ABTB3: variants seen among roughly 807,000 people sequenced by gnomAD.
ABTB3 encodes the protein ankyrin repeat- and BTB/POZ domain-containing protein 3.
At chr12:107,651,766 G>A in the ABTB3 span, 2 of 1,613,802 alleles carry the variant, frequency 1.2e-6, no homozygotes, top group Non-Finnish European at 1.7e-6. Flanking sequence ...ACAACTGTGT[G>A]GATATTTACA....
chr12:107,413,292 C>T, the ABTB3 span, among the ~76,000 whole-genome samples: 1,820 of 152,010 alleles, frequency 0.012, 38 homozygotes, highest in African/African-American at 0.041. Flanking sequence ...AAAAAAAAAG[C>T]GCATTGAAAT....
chr12:107,491,308 G>C, the ABTB3 span, among the ~76,000 whole-genome samples: 850 of 152,312 alleles, frequency 5.6e-3, 13 homozygotes, highest in African/African-American at 0.019. Flanking sequence ...CACACCATCA[G>C]TAGATAAGAG....
chr12:107,491,921 G>A, the ABTB3 span, among the ~76,000 whole-genome samples: 1 of 152,124 alleles, frequency 6.6e-6, no homozygotes, highest in Admixed American at 6.5e-5. Context: ...GATTGTCTGG[G>A]ACTTTTTTTC....
At chr12:107,520,449 T>C in the ABTB3 span, 1 of 1,600,002 alleles carries the variant, frequency 6.2e-7, no homozygotes, top group Non-Finnish European at 8.5e-7. Context: ...AATAACAATC[T>C]GTTTTCCTTT....
At chr12:107,647,535 A>G in the ABTB3 span, among the ~76,000 whole-genome samples, 2 of 152,354 alleles carry the variant, frequency 1.3e-5, no homozygotes, top group South Asian at 2.1e-4. Flanking sequence ...AATTTCAATA[A>G]AGCTATAAAC....
the ABTB3 span, among the ~76,000 whole-genome samples, chr12:107,542,727 C>T: frequency 2.0e-5 from 3 of 152,018 alleles, no homozygotes; most frequent in East Asian, 1.9e-4. Context: ...AGTCCATTAA[C>T]GTGTATTTTA....
At chr12:107,471,755 A>T in the ABTB3 span, among the ~76,000 whole-genome samples, 10 of 152,144 alleles carry the variant, frequency 6.6e-5, no homozygotes, top group Non-Finnish European at 2.9e-5. Flanking sequence ...CACCCCTCAC[A>T]GAGCCGTGGT....
the ABTB3 span, among the ~76,000 whole-genome samples, chr12:107,408,240 T>G: frequency 6.6e-6 from 1 of 152,208 alleles, no homozygotes; most frequent in Admixed American, 6.5e-5. Flanking sequence ...AGAAGTAATT[T>G]GGAAAGTGTA....
chr12:107,431,644 T>G, the ABTB3 span, among the ~76,000 whole-genome samples: 1 of 152,190 alleles, frequency 6.6e-6, no homozygotes, highest in East Asian at 1.9e-4. Flanking sequence ...CCAAAAAAAG[T>G]TAATCCAAAG....
the ABTB3 span, among the ~76,000 whole-genome samples, chr12:107,331,892 C>T: frequency 6.6e-6 from 1 of 152,208 alleles, no homozygotes; most frequent in Non-Finnish European, 1.5e-5. Flanking sequence ...GCCTCCCCCC[C>T]GCCCCACCTC....
chr12:107,469,122 G>C, the ABTB3 span, among the ~76,000 whole-genome samples: 23 of 152,272 alleles, frequency 1.5e-4, no homozygotes, highest in East Asian at 4.2e-3. Flanking sequence ...CACAGACCCC[G>C]GCATGAGACA....
the ABTB3 span, among the ~76,000 whole-genome samples, chr12:107,407,735 C>T: frequency 2.0e-5 from 3 of 152,144 alleles, no homozygotes; most frequent in Non-Finnish European, 4.4e-5. Flanking sequence ...GAGTTGGGAA[C>T]ATTAATAGGA....
the ABTB3 span, among the ~76,000 whole-genome samples, chr12:107,374,095 G>A: frequency 6.6e-6 from 1 of 152,184 alleles, no homozygotes; most frequent in African/African-American, 2.4e-5. Flanking sequence ...TGCAGAGGGA[G>A]TGGGCAGGGA....
the ABTB3 span, among the ~76,000 whole-genome samples, chr12:107,491,588 C>T: frequency 1.1e-4 from 17 of 152,152 alleles, no homozygotes; most frequent in East Asian, 9.7e-4. Context: ...TTTGGGGGTC[C>T]GAGATAGGCA....
At chr12:107,489,137 G>A in the ABTB3 span, among the ~76,000 whole-genome samples, 1 of 152,194 alleles carries the variant, frequency 6.6e-6, no homozygotes, top group African/African-American at 2.4e-5. Flanking sequence ...TAGTGCTGAT[G>A]AAGGTGTGGT....
chr12:107,627,126 T>C, the ABTB3 span, among the ~76,000 whole-genome samples: 2 of 152,214 alleles, frequency 1.3e-5, no homozygotes, highest in African/African-American at 4.8e-5. Context: ...AAAATAAGAT[T>C]TAGTAAAACA....
At chr12:107,379,474 G>A in the ABTB3 span, among the ~76,000 whole-genome samples, 100 of 152,252 alleles carry the variant, frequency 6.6e-4, 1 homozygote, top group Admixed American at 1.7e-3. Flanking sequence ...GCCTGCCGCC[G>A]TGTAAGACGT....
the ABTB3 span, among the ~76,000 whole-genome samples, chr12:107,466,530 G>A: frequency 6.7e-6 from 1 of 148,466 alleles, no homozygotes; most frequent in Non-Finnish European, 1.5e-5. Context: ...TTCTCGGTGG[G>A]TGTCAAAAGG....
chr12:107,405,545 C>A, the ABTB3 span, among the ~76,000 whole-genome samples: 1 of 152,230 alleles, frequency 6.6e-6, no homozygotes, highest in Non-Finnish European at 1.5e-5. Context: ...AGAGCTGGCA[C>A]GGCTGTCCGG....
Sources: allele counts gnomAD v4.1 joint callset (sites outside exome capture counted in the v4.1 genomes callset), GRCh38; gene constraint gnomAD v4.1.1; transcripts MANE v1.5; gene names NCBI Gene and HGNC (gene_info 2026-07-23, HGNC 2026-07-21).